The following RCSD1 variants were observed in gnomAD, a reference collection of about 807,000 sequenced individuals.
RCSD1 encodes capZ-interacting protein.
Under a neutral mutation model 42.5 loss-of-function variants are expected in RCSD1, and 26 were observed. The observed-to-expected ratio is 0.61, with a 90% CI of 0.45 to 0.85. The LOEUF is 0.85. RCSD1 is among the 40% of genes least tolerant of loss of function. The pLI is 0.00. For synonymous variants in RCSD1, 220 were observed against 212.2 expected (o/e 1.04, Z -0.32); for missense variants, 571 against 528.3 (o/e 1.08, Z -0.79).
chr1:167,692,883 G>C (rs1659408662), intron 4 of RCSD1, among the ~76,000 whole-genome samples: 1 of 152,142 alleles, frequency 6.6e-6, no homozygotes, highest in Non-Finnish European at 1.5e-5. Flanking sequence ...TGGCTGGTAG[G>C]AGGTGGGAAG....
At chr1:167,647,891 T>G in intron 1 of RCSD1, among the ~76,000 whole-genome samples, 1 of 152,236 alleles carries the variant, frequency 6.6e-6, no homozygotes, top group Non-Finnish European at 1.5e-5. Context: ...ATTTTAAGAT[T>G]TGAAATTCAT....
intron 1 of RCSD1, among the ~76,000 whole-genome samples, chr1:167,635,552 G>T (rs753799406): frequency 6.6e-6 from 1 of 152,338 alleles, no homozygotes; most frequent in South Asian, 2.1e-4. Context: ...CTTGGCGCGC[G>T]CGGTTCCGTG....
At chr1:167,645,051 T>C (rs530594912) in intron 1 of RCSD1, among the ~76,000 whole-genome samples, 2 of 152,328 alleles carry the variant, frequency 1.3e-5, no homozygotes, top group South Asian at 4.1e-4. Flanking sequence ...GCCACGGGGC[T>C]CTATCCTTGG....
chr1:167,684,585 G>A (rs781110743), intron 2 of RCSD1, among the ~76,000 whole-genome samples: 11 of 152,120 alleles, frequency 7.2e-5, no homozygotes, highest in Non-Finnish European at 1.2e-4. Flanking sequence ...TTAGAAGTGA[G>A]ATGAGGGGGC....
chr1:167,701,515 A>T (rs962957748), intron 6 of RCSD1, among the ~76,000 whole-genome samples: 1 of 152,052 alleles, frequency 6.6e-6, no homozygotes, highest in African/African-American at 2.4e-5. Flanking sequence ...CATATTGGCC[A>T]GGCTGGTCTT....
intron 1 of RCSD1, among the ~76,000 whole-genome samples, chr1:167,647,909 A>C (rs1231026172): frequency 6.6e-6 from 1 of 152,172 alleles, no homozygotes; most frequent in Non-Finnish European, 1.5e-5. Context: ...CATCATCTTA[A>C]CACAACTATT....
chr1:167,695,785 T>C (rs1383326750), intron 5 of RCSD1, among the ~76,000 whole-genome samples: 1 of 151,968 alleles, frequency 6.6e-6, no homozygotes, highest in African/African-American at 2.4e-5. Context: ...CCTCCCAAAG[T>C]GCGAGGATTA....
rs371440067 is a variant in RCSD1, at chr1:167,690,066, G to A, written c.216G>A (p.Ala72=). 18 of 1,613,878 alleles carry A rather than the reference G, an allele frequency of 1.1e-5. No individual in the cohort carries two copies. The highest frequency in any genetic ancestry group is 2.2e-5 in the East Asian group (1 of 44,896). Residue 72 remains alanine (A), a synonymous_variant, in exon 4 of 7, where the codon GCG becomes GCA. Coordinates refer to ENST00000367854, the MANE Select transcript of RCSD1 (RefSeq NM_052862.4). ...QNGEEKSPPN[A]SHPPKFKVKS... Reference sequence around the variant, plus strand: ...CTCCATAGAAATCACCACCCAATGCGAGCCACCCTCCTAAATTCAAGGTCA... The same window carrying A: ...CTCCATAGAAATCACCACCCAATGCAAGCCACCCTCCTAAATTCAAGGTCA...
intron 1 of RCSD1, 40 bp downstream of exon 1, chr1:167,630,469 G>C (rs1431588176): frequency 6.6e-7 from 1 of 1,519,470 alleles, no homozygotes; most frequent in South Asian, 1.3e-5. Context: ...TGAGCGGTGA[G>C]CGGTGTATCG....
intron 2 of RCSD1, 41 bp downstream of exon 2, chr1:167,684,042 C>A (rs750302497): frequency 6.5e-7 from 1 of 1,531,520 alleles, no homozygotes; most frequent in Non-Finnish European, 9.0e-7. Flanking sequence ...CAGCAGCGGG[C>A]AGGAGGAAAG....
At chr1:167,662,656 C>T (rs1023004383) in intron 1 of RCSD1, among the ~76,000 whole-genome samples, 1 of 152,126 alleles carries the variant, frequency 6.6e-6, no homozygotes, top group Non-Finnish European at 1.5e-5. Context: ...ATAAAAGGAC[C>T]GTATCATATT....
At chr1:167,697,013 C>T in intron 5 of RCSD1, 86 bp from the exon 6 acceptor site, 7 of 1,273,014 alleles carry the variant, frequency 5.5e-6, no homozygotes, top group South Asian at 4.4e-5. Flanking sequence ...AGCAGTGCAC[C>T]AGACTGACAT....
chr1:167,683,272 G>A (rs1478920916), intron 1 of RCSD1, among the ~76,000 whole-genome samples: 1 of 152,184 alleles, frequency 6.6e-6, no homozygotes, highest in Non-Finnish European at 1.5e-5. Context: ...AACAACTGAT[G>A]AGGGATGTGC....
chr1:167,678,370 T>C (rs373042779), intron 1 of RCSD1, among the ~76,000 whole-genome samples: 1 of 152,148 alleles, frequency 6.6e-6, no homozygotes, highest in East Asian at 1.9e-4. Flanking sequence ...GAACTATTCA[T>C]TGCCCAACTA....
intron 1 of RCSD1, chr1:167,630,652 G>A (rs896837715): frequency 4.4e-6 from 1 of 228,602 alleles, no homozygotes; most frequent in Non-Finnish European, 8.1e-6. Context: ...GGTTGGTAAG[G>A]AAAGATCTCA....
chr1:167,632,164 G>A (rs1206679479), intron 1 of RCSD1, among the ~76,000 whole-genome samples: 1 of 152,178 alleles, frequency 6.6e-6, no homozygotes, highest in African/African-American at 2.4e-5. Context: ...GAGGGAAATG[G>A]CCCAGGCAAC....
intron 1 of RCSD1, among the ~76,000 whole-genome samples, chr1:167,653,000 A>G (rs574491259): frequency 6.6e-6 from 1 of 152,258 alleles, no homozygotes; most frequent in African/African-American, 2.4e-5. Flanking sequence ...TTGGTTACAC[A>G]GTTGCAGATT....
intron 1 of RCSD1, among the ~76,000 whole-genome samples, chr1:167,643,249 C>T (rs1260912527): frequency 2.0e-5 from 3 of 152,106 alleles, no homozygotes; most frequent in African/African-American, 4.8e-5. Context: ...CAACCCTGAG[C>T]GTGTCTTCTG....
intron 6 of RCSD1, among the ~76,000 whole-genome samples, chr1:167,698,369 G>A (rs1389561706): frequency 1.3e-5 from 2 of 152,218 alleles, no homozygotes; most frequent in Admixed American, 1.3e-4. Context: ...TTTGTGTGTG[G>A]ATGGGACAAA....
Sources: allele counts gnomAD v4.1 joint callset (sites outside exome capture counted in the v4.1 genomes callset), GRCh38; gene constraint gnomAD v4.1.1; transcripts MANE v1.5; gene names NCBI Gene and HGNC (gene_info 2026-07-23, HGNC 2026-07-21).